Variants in PEAK1 observed in about 807,000 individuals in gnomAD.
PEAK1 encodes the protein inactive tyrosine-protein kinase PEAK1.
PEAK1 carries 54 observed loss-of-function variants against 124.7 expected under a neutral mutation model. The observed-to-expected ratio is 0.43, with a 90% confidence interval of 0.35 to 0.54. PEAK1 has a LOEUF of 0.54. PEAK1 is among the 20% of genes least tolerant of loss of function. PEAK1 has a pLI of 0.01. For synonymous variants in PEAK1, 719 were observed against 760.0 expected, an observed-to-expected ratio of 0.95 and a Z score of 0.89; for missense variants, 2,046 against 2,134.5, an observed-to-expected ratio of 0.96 and a Z score of 0.82.
At chr15:77,139,652 C>A (rs2053614109) in intron 8 of PEAK1, among the ~76,000 whole-genome samples, 1 of 152,106 alleles carries the variant, frequency 6.6e-6, no homozygotes, top group Non-Finnish European at 1.5e-5. Flanking sequence ...TTCCCATGCA[C>A]ACTACTTTCT....
chr15:77,287,867 C>A (rs2063008893), intron 2 of PEAK1, among the ~76,000 whole-genome samples: 1 of 152,148 alleles, frequency 6.6e-6, no homozygotes, highest in Non-Finnish European at 1.5e-5. Context: ...AAAAGTTGGG[C>A]AATCATCTCA....
chr15:77,201,897 G>T (rs1258401058), intron 6 of PEAK1, among the ~76,000 whole-genome samples: 1 of 152,166 alleles, frequency 6.6e-6, no homozygotes, highest in Non-Finnish European at 1.5e-5. Flanking sequence ...AAAGACAGAA[G>T]CAGAAGCAGA....
At chr15:77,107,044 C>A (rs1038422635), downstream of PEAK1, 7 of 152,230 alleles carry the variant, frequency 4.6e-5, no homozygotes, top group African/African-American at 1.7e-4. Context: ...TGAGACCTGG[C>A]CTGGCACACA....
chr15:77,193,474 A>G (rs1001285639), intron 6 of PEAK1, among the ~76,000 whole-genome samples: 2 of 152,176 alleles, frequency 1.3e-5, no homozygotes, highest in African/African-American at 2.4e-5. Context: ...ATGAGACTCT[A>G]ATGTTAATTT....
exon 7 of PEAK1, chr15:77,103,111 G>A (rs1370453483): frequency 6.6e-6 from 1 of 152,122 alleles, no homozygotes. Context: ...AGTGCGAGAA[G>A]CTACCTTTTA....
chr15:77,370,955 A>C, intron 1 of PEAK1: 1 of 526,190 alleles, frequency 1.9e-6, no homozygotes, highest in Non-Finnish European at 2.4e-6. Context: ...GCTTGAACCC[A>C]GGAGGCGGAG....
chr15:77,403,347 A>G, intron 1 of PEAK1: 1 of 935,460 alleles, frequency 1.1e-6, no homozygotes, highest in Non-Finnish European at 1.3e-6. Context: ...ACATATTTTT[A>G]GAAATATATT....
At chr15:77,107,121 C>T (rs1293583960), downstream of PEAK1, 2 of 152,368 alleles carry the variant, frequency 1.3e-5, no homozygotes, top group East Asian at 3.9e-4. Flanking sequence ...GTTTCTGTGA[C>T]CTCCCAACCC....
intron 3 of PEAK1, among the ~76,000 whole-genome samples, chr15:77,285,746 C>G (rs955921741): frequency 6.6e-6 from 1 of 151,838 alleles, no homozygotes; most frequent in Non-Finnish European, 1.5e-5. Flanking sequence ...TTTGATTCTT[C>G]TCTCTTTTCT....
chr15:77,351,429 G>A (rs1329729634), intron 2 of PEAK1, among the ~76,000 whole-genome samples: 1 of 152,150 alleles, frequency 6.6e-6, no homozygotes, highest in African/African-American at 2.4e-5. Flanking sequence ...GGAACATAAA[G>A]CCAATTTACA....
At chr15:77,211,738 C>A (rs1235670825) in intron 6 of PEAK1, among the ~76,000 whole-genome samples, 9 of 151,148 alleles carry the variant, frequency 6.0e-5, no homozygotes, top group Non-Finnish European at 1.2e-4. Context: ...ATCTCAGCTA[C>A]TCAGGAGGCT....
intron 2 of PEAK1, among the ~76,000 whole-genome samples, chr15:77,330,198 T>C (rs909010156): frequency 4.6e-5 from 7 of 152,278 alleles, no homozygotes; most frequent in Middle Eastern, 3.4e-3. Flanking sequence ...AGATTAACTA[T>C]TGACATGTTG....
chr15:77,408,997 G>A (rs2072170746), intron 1 of PEAK1, among the ~76,000 whole-genome samples: 1 of 152,096 alleles, frequency 6.6e-6, no homozygotes, highest in East Asian at 1.9e-4. Flanking sequence ...TTTGAGCCCG[G>A]GAGGTCAAGT....
chr15:77,403,242 CT>C, intron 1 of PEAK1: 1 of 985,372 alleles, frequency 1.0e-6, no homozygotes, highest in Non-Finnish European at 1.2e-6. Flanking sequence ...GCAGTCAAGT[CT>C]ATCTCCCAAT....
intron 2 of PEAK1, among the ~76,000 whole-genome samples, chr15:77,286,817 G>A (rs2062954389): frequency 6.6e-6 from 1 of 152,122 alleles, no homozygotes; most frequent in South Asian, 2.1e-4. Context: ...CTATTCAGGG[G>A]TTGCATGAAA....
intron 6 of PEAK1, among the ~76,000 whole-genome samples, chr15:77,183,497 A>G (rs778323224): frequency 1.3e-5 from 2 of 152,246 alleles, no homozygotes; most frequent in Admixed American, 6.5e-5. Context: ...TTTGTAATCA[A>G]TTTTGATGAG....
intron 9 of PEAK1, among the ~76,000 whole-genome samples, chr15:77,120,139 C>T (rs1038683856): frequency 6.6e-6 from 1 of 152,184 alleles, no homozygotes; most frequent in Admixed American, 6.5e-5. Flanking sequence ...TCTTCATTGA[C>T]CCTTTTTCCC....
intron 1 of PEAK1, among the ~76,000 whole-genome samples, chr15:77,390,467 T>G (rs1209652677): frequency 1.3e-5 from 2 of 152,244 alleles, no homozygotes; most frequent in Non-Finnish European, 2.9e-5. Context: ...GCTGATGTTA[T>G]GTGCTATCAT....
At chr15:77,169,748 A>T (rs2056374964) in intron 7 of PEAK1, among the ~76,000 whole-genome samples, 1 of 152,232 alleles carries the variant, frequency 6.6e-6, no homozygotes, top group East Asian at 1.9e-4. Context: ...ATAATTTGGG[A>T]TATATTTTGG....
Sources: gnomAD v4.1 joint callset for allele counts (sites outside exome capture counted in the v4.1 genomes callset) on GRCh38, gnomAD v4.1.1 for gene constraint, MANE v1.5 for transcripts, NCBI Gene and HGNC (gene_info 2026-07-23, HGNC 2026-07-21) for gene names.